Variants in ESRRB observed in about 807,000 individuals in gnomAD.
ESRRB encodes the protein estrogen related receptor beta.
In ESRRB, 16 loss-of-function variants were observed where a neutral mutation model predicts 46.0. That is an observed-to-expected ratio of 0.35 (90% confidence interval 0.24 to 0.53). ESRRB has a LOEUF of 0.53. Ranked by LOEUF, ESRRB falls within the 20% of genes least tolerant of loss-of-function variation. ESRRB has a pLI of 0.93. For synonymous variants in ESRRB, 246 were observed against 259.6 expected (o/e 0.95, Z 0.50); for missense variants, 488 against 607.4 (o/e 0.80, Z 2.07).
At chr14:76,377,673 C>T (rs1884833919) in intron 1 of ESRRB, among the ~76,000 whole-genome samples, 1 of 152,164 alleles carries the variant, frequency 6.6e-6, no homozygotes. Flanking sequence ...TCTCCCCCTC[C>T]CCCCAAGAAC....
chr14:76,471,106 C>G (rs1889359013), intron 3 of ESRRB, among the ~76,000 whole-genome samples: 1 of 152,196 alleles, frequency 6.6e-6, no homozygotes, highest in Non-Finnish European at 1.5e-5. Context: ...TCTTTCCCAT[C>G]TCAGGAATGG....
intron 1 of ESRRB, among the ~76,000 whole-genome samples, chr14:76,427,993 G>C (rs1181641343): frequency 6.6e-6 from 1 of 152,150 alleles, no homozygotes; most frequent in African/African-American, 2.4e-5. Context: ...TTCAATGACA[G>C]TAATTGGGTT....
At chr14:76,407,790 G>A (rs952265568) in intron 1 of ESRRB, among the ~76,000 whole-genome samples, 1 of 152,230 alleles carries the variant, frequency 6.6e-6, no homozygotes. Context: ...CTGGGATGCT[G>A]AGCAGCCAAA....
At chr14:76,460,861 C>T (rs972130149) in intron 2 of ESRRB, among the ~76,000 whole-genome samples, 10 of 146,502 alleles carry the variant, frequency 6.8e-5, no homozygotes, top group African/African-American at 2.7e-4. Flanking sequence ...ACCCCTATGC[C>T]CAACTAATTT....
intron 6 of ESRRB, 143 bp from the exon 7 acceptor site, chr14:76,498,071 G>A: frequency 2.1e-6 from 2 of 956,430 alleles, no homozygotes; most frequent in Non-Finnish European, 3.4e-6. Context: ...GACCTCTCTG[G>A]GCCTCAGATT....
intron 1 of ESRRB, among the ~76,000 whole-genome samples, chr14:76,335,472 A>G (rs1279464075): frequency 6.6e-6 from 1 of 152,210 alleles, no homozygotes; most frequent in African/African-American, 2.4e-5. Context: ...TATTTAACCA[A>G]CATTTATAAA....
At chr14:76,414,023 C>CG (rs1195692845) in intron 1 of ESRRB, among the ~76,000 whole-genome samples, 1 of 60,456 alleles carries the variant, frequency 1.7e-5, no homozygotes, top group Admixed American at 1.6e-4. Flanking sequence ...CTGCACCGTC[C>CG]CCGCCCCTGC....
chr14:76,475,628 C>T (rs997027713), intron 3 of ESRRB, among the ~76,000 whole-genome samples: 2 of 152,198 alleles, frequency 1.3e-5, no homozygotes, highest in Admixed American at 6.5e-5. Flanking sequence ...CATTGTCCTA[C>T]AGGCGTCTGT....
chr14:76,311,684 G>C (rs1883736019), intron 1 of ESRRB, among the ~76,000 whole-genome samples: 1 of 152,190 alleles, frequency 6.6e-6, no homozygotes, highest in African/African-American at 2.4e-5. Context: ...GCTGTTGACT[G>C]CTTTGCTCTG....
At chr14:76,469,944 C>CTTTTTTTTTTTTTT (rs1178018542) in intron 3 of ESRRB, among the ~76,000 whole-genome samples, 13 of 73,074 alleles carry the variant, frequency 1.8e-4, no homozygotes, top group Non-Finnish European at 2.5e-4. Context: ...TTTTTTTTTT[C>CTTTTTTTTTTTTTT]TTTTTTTTTT....
intron 1 of ESRRB, among the ~76,000 whole-genome samples, chr14:76,380,061 G>T (rs1884946830): frequency 6.6e-6 from 1 of 152,148 alleles, no homozygotes; most frequent in Non-Finnish European, 1.5e-5. Flanking sequence ...AGCACCCCTG[G>T]CCCTAGCTCG....
At chr14:76,471,506 C>G (rs1321189984) in intron 3 of ESRRB, among the ~76,000 whole-genome samples, 2 of 152,154 alleles carry the variant, frequency 1.3e-5, no homozygotes, top group Non-Finnish European at 2.9e-5. Context: ...CCTGTCTGTT[C>G]ACTCCTACCC....
chr14:76,333,128 T>A (rs1288797781), intron 1 of ESRRB, among the ~76,000 whole-genome samples: 182 of 5,316 alleles, frequency 0.034, 73 homozygotes, highest in Middle Eastern at 0.5. Flanking sequence ...AATATATATA[T>A]TATATATTAT....
chr14:76,345,520 C>T (rs1215535040), intron 1 of ESRRB, among the ~76,000 whole-genome samples: 2 of 152,076 alleles, frequency 1.3e-5, no homozygotes, highest in South Asian at 2.1e-4. Flanking sequence ...CAAGAATGGC[C>T]GTAATCAAAA....
At chr14:76,320,662 G>C (rs1883856452) in intron 1 of ESRRB, among the ~76,000 whole-genome samples, 1 of 152,218 alleles carries the variant, frequency 6.6e-6, no homozygotes, top group Non-Finnish European at 1.5e-5. Flanking sequence ...CGACTTGGCT[G>C]TTTCCAGAAA....
At chr14:76,326,385 G>C (rs56241327) in intron 1 of ESRRB, among the ~76,000 whole-genome samples, 20,127 of 152,190 alleles carry the variant, frequency 0.13, 1,509 homozygotes, top group Middle Eastern at 0.28. Flanking sequence ...GGTTCATATT[G>C]TGGCTCTGCT....
intron 1 of ESRRB, among the ~76,000 whole-genome samples, chr14:76,346,411 C>T (rs1211991749): frequency 2.6e-5 from 4 of 152,204 alleles, no homozygotes; most frequent in Admixed American, 6.5e-5. Flanking sequence ...GACTTCCACC[C>T]GGGGCACCCA....
chr14:76,436,867 C>CT (rs1362491315), intron 1 of ESRRB, among the ~76,000 whole-genome samples: 5 of 152,148 alleles, frequency 3.3e-5, no homozygotes, highest in African/African-American at 7.2e-5. Context: ...CCAGGAGTCT[C>CT]TGTCTTCACA....
At chr14:76,388,969 G>A (rs948727255) in intron 1 of ESRRB, among the ~76,000 whole-genome samples, 5 of 152,214 alleles carry the variant, frequency 3.3e-5, no homozygotes, top group African/African-American at 7.2e-5. Flanking sequence ...ACAGCAGCAC[G>A]TGCAAAATCA....
Sources: allele counts gnomAD v4.1 joint callset (sites outside exome capture counted in the v4.1 genomes callset), GRCh38; gene constraint gnomAD v4.1.1; transcripts MANE v1.5; gene names NCBI Gene and HGNC (gene_info 2026-07-23, HGNC 2026-07-21).